Variants in MALRD1 observed in about 807,000 individuals in gnomAD.
The protein encoded by MALRD1 is MAM and LDL receptor class A domain containing 1.
MALRD1 carries 247 observed loss-of-function variants against 242.1 expected under a neutral mutation model. The ratio of observed to expected loss-of-function variants is 1.02; its 90% CI spans 0.92 to 1.13. The LOEUF (loss-of-function observed/expected upper bound fraction) is 1.13, where lower values mean the gene tolerates loss of function less well. Among genes scored for constraint, MALRD1 ranks in the 50% most tolerant of loss-of-function variants. MALRD1 has a pLI of 0.00. For missense variants in MALRD1, 2,989 were observed against 2,533.1 expected, an observed-to-expected ratio of 1.18 and a Z score of -3.86; for synonymous variants, 995 against 866.6, an observed-to-expected ratio of 1.15 and a Z score of -2.60.
chr10:19,183,128 T>C (rs1463462978), intron 14 of MALRD1, among the ~76,000 whole-genome samples: 1 of 142,454 alleles, frequency 7.0e-6, no homozygotes, highest in Non-Finnish European at 1.6e-5. Flanking sequence ...TTTTTTTTTT[T>C]TTTGCCTGCT....
chr10:19,175,483 T>TA (rs199565400), intron 14 of MALRD1, among the ~76,000 whole-genome samples, 155 bp downstream of exon 14: 2 of 148,152 alleles, frequency 1.3e-5, no homozygotes, highest in Non-Finnish European at 3.0e-5. Flanking sequence ...TATATATATA[T>TA]TTTAAAAGGT....
chr10:19,714,616 C>T (rs1386797578), intron 38 of MALRD1, among the ~76,000 whole-genome samples: 1 of 152,120 alleles, frequency 6.6e-6, no homozygotes, highest in African/African-American at 2.4e-5. Flanking sequence ...CACCAGGGAC[C>T]TGCCTTTTCT....
intron 28 of MALRD1, among the ~76,000 whole-genome samples, chr10:19,397,323 A>G (rs1443128845): frequency 6.6e-6 from 1 of 152,076 alleles, no homozygotes; most frequent in Admixed American, 6.6e-5. Flanking sequence ...GGTCCTGCAT[A>G]TGAATGAGAT....
chr10:19,577,459 G>A (rs1409937947), intron 33 of MALRD1, among the ~76,000 whole-genome samples: 1 of 152,134 alleles, frequency 6.6e-6, no homozygotes, highest in Non-Finnish European at 1.5e-5. Context: ...GTCAGCCTTT[G>A]GAGGAGTCTG....
chr10:19,709,621 C>T (rs925991496), intron 38 of MALRD1, among the ~76,000 whole-genome samples: 4 of 152,046 alleles, frequency 2.6e-5, no homozygotes, highest in African/African-American at 9.7e-5. Context: ...TCTTTTGGGT[C>T]CTAAGTATTC....
intron 28 of MALRD1, among the ~76,000 whole-genome samples, chr10:19,447,069 GACACACACACACACACACACACACAC>G (rs374350237): frequency 4.2e-5 from 6 of 141,812 alleles, no homozygotes; most frequent in African/African-American, 8.0e-5. Flanking sequence ...CACATACACA[GACACACACACACACACACACACACAC>G]ACACACAGAG....
At chr10:19,155,643 G>A (rs147341879) in intron 12 of MALRD1, among the ~76,000 whole-genome samples, 27 of 152,284 alleles carry the variant, frequency 1.8e-4, no homozygotes, top group East Asian at 5.8e-4. Flanking sequence ...TAGAGAGGAC[G>A]GACTAGTTAG....
chr10:19,321,921 C>T (rs142991242), intron 21 of MALRD1, among the ~76,000 whole-genome samples: 204 of 152,096 alleles, frequency 1.3e-3, no homozygotes, highest in Non-Finnish European at 2.0e-3. Context: ...AGTGAATCAA[C>T]GGTAGATGTG....
In MALRD1 at chr10:19,051,073, T is replaced by A. The variant is rs115239161; in HGVS notation, c.199+1936T>A. ...TTTTCATTTTCATTTCTGAGAAGTT[T>A]CCACTTTGGCATTTTATTTAAAATG... On this transcript the variant is annotated intron_variant, in intron 1 of 39. Coordinates refer to ENST00000454679, the MANE Select transcript of MALRD1 (RefSeq NM_001142308.3). 3.3e-3 allele frequency among the ~76,000 whole-genome samples: 509 copies of A among 152,330 alleles called. 4 individuals carry two copies. The highest frequency in any genetic ancestry group is 0.012 in the African/African-American group (493 of 41,574).
chr10:19,069,000 A>G (rs1306362117), intron 2 of MALRD1, among the ~76,000 whole-genome samples: 1 of 152,134 alleles, frequency 6.6e-6, no homozygotes, highest in Non-Finnish European at 1.5e-5. Flanking sequence ...TAGTAGTACT[A>G]CAACAAAATC....
chr10:19,419,031 C>T (rs1833616541), intron 28 of MALRD1, among the ~76,000 whole-genome samples: 2 of 152,094 alleles, frequency 1.3e-5, no homozygotes, highest in African/African-American at 4.8e-5. Flanking sequence ...GGTGGTTTCC[C>T]ATAACCACAG....
At chr10:19,536,825 G>A (rs901800116) in intron 32 of MALRD1, among the ~76,000 whole-genome samples, 4 of 152,150 alleles carry the variant, frequency 2.6e-5, no homozygotes, top group Non-Finnish European at 4.4e-5. Context: ...AGATAACTAT[G>A]AGACCTTCCA....
chr10:19,454,424 AT>A (rs1564356594), intron 29 of MALRD1, among the ~76,000 whole-genome samples: 4 of 141,090 alleles, frequency 2.8e-5, no homozygotes, highest in Non-Finnish European at 4.6e-5. Context: ...ATATATATAT[AT>A]ATATATAATT....
At chr10:19,445,414 T>G (rs1834916613) in intron 28 of MALRD1, among the ~76,000 whole-genome samples, 1 of 152,180 alleles carries the variant, frequency 6.6e-6, no homozygotes, top group Non-Finnish European at 1.5e-5. Flanking sequence ...TTTTCAGCTT[T>G]TCTGCTCTGG....
rs1213281113 is a variant in MALRD1 at position 19,066,872 on chromosome 10, A to T, written c.340+13A>T. The stretch of plus-strand genomic sequence containing the variant: ...GGTGATGTGTCTGGTAAATGCTTTA[A>T]ATTTATTTTCTCCCCTCTCTCCCTT... On this transcript the variant is annotated intron_variant, in intron 2 of 39. Coordinates refer to ENST00000454679, the MANE Select transcript of MALRD1 (RefSeq NM_001142308.3). The T allele has an allele frequency of 8.1e-7, 1 of 1,233,048 alleles. No homozygotes were observed. Among genetic ancestry groups the T allele is most frequent in the Non-Finnish European group, 1.0e-6 (1 of 987,734 alleles). The allele number at this position is 1,233,048 out of a possible 1,614,324, so 76.4% of individuals were successfully genotyped here.
chr10:19,128,088 A>G (rs186979867), intron 7 of MALRD1, 133 bp from the exon 8 acceptor site: 2 of 512,726 alleles, frequency 3.9e-6, no homozygotes, highest in Admixed American at 8.8e-5. Flanking sequence ...TCATTTGAAA[A>G]CGCTCTATCC....
intron 24 of MALRD1, among the ~76,000 whole-genome samples, chr10:19,345,421 G>A (rs530036041): frequency 2.6e-5 from 4 of 151,998 alleles, no homozygotes; most frequent in Admixed American, 6.6e-5. Flanking sequence ...CTAAGACAGC[G>A]GTTCATATTC....
In MALRD1 at chr10:19,280,196, C is replaced by T; in HGVS notation, c.3229C>T (p.Pro1077Ser). ...MQKCDFKYDCPDKSDEASCVM... is the reference protein window; with the variant it reads ...MQKCDFKYDCSDKSDEASCVM... ...GAAATGTGATTTTAAATATGACTGC[C>T]CTGACAAATCAGATGAAGCATCCTG... Residue 1077 changes from proline to serine, a missense_variant, in exon 20 of 40, where the codon CCT (proline) becomes TCT (serine). Coordinates refer to ENST00000454679, the MANE Select transcript of MALRD1 (RefSeq NM_001142308.3). 6.6e-7 allele frequency: 1 copy of T among 1,516,832 alleles called. No individual in the cohort carries two copies. Among genetic ancestry groups the T allele is most frequent in the Admixed American group, 2.4e-5 (1 of 42,212 alleles). 94.0% of individuals were successfully genotyped at this position (1,516,832 alleles called of 1,614,324 possible).
At chr10:19,512,638 A>G (rs1272546655) in intron 31 of MALRD1, among the ~76,000 whole-genome samples, 1 of 152,236 alleles carries the variant, frequency 6.6e-6, no homozygotes, top group African/African-American at 2.4e-5. Flanking sequence ...CATACAAACT[A>G]CAAGAACACA....
Sources: allele counts gnomAD v4.1 joint callset (sites outside exome capture counted in the v4.1 genomes callset), GRCh38; gene constraint gnomAD v4.1.1; transcripts MANE v1.5; gene names NCBI Gene and HGNC (gene_info 2026-07-23, HGNC 2026-07-21).